Variants in NAV3 observed in about 807,000 individuals in gnomAD.
NAV3 encodes the protein neuron navigator 3, also known as pore membrane and/or filament interacting like protein 1.
Under a neutral mutation model 244.7 loss-of-function variants are expected in NAV3, and 87 were observed. The observed-to-expected ratio is 0.36, with a 90% CI of 0.30 to 0.42. The LOEUF (loss-of-function observed/expected upper bound fraction) is 0.42, where lower values mean the gene tolerates loss of function less well. Ranked by LOEUF, NAV3 falls within the 20% of genes least tolerant of loss-of-function variation. The pLI is 1.00. For synonymous variants in NAV3, 1,126 were observed against 1,042.2 expected, an observed-to-expected ratio of 1.08 and a Z score of -1.55; for missense variants, 2,663 against 2,893.3, an observed-to-expected ratio of 0.92 and a Z score of 1.83.
intron 9 of NAV3, among the ~76,000 whole-genome samples, chr12:78,042,816 A>G (rs1464626089): frequency 6.6e-6 from 1 of 152,182 alleles, no homozygotes; most frequent in African/African-American, 2.4e-5. Context: ...AAAAAATAAA[A>G]GGCCTCTAGT....
At chr12:77,794,951 C>G (rs959638317) in intron 2 of NAV3, among the ~76,000 whole-genome samples, 1 of 152,098 alleles carries the variant, frequency 6.6e-6, no homozygotes, top group Non-Finnish European at 1.5e-5. Flanking sequence ...GAGACACAAC[C>G]GTATTGAAAT....
chr12:78,076,662 A>C (rs993913642), intron 12 of NAV3, among the ~76,000 whole-genome samples: 1 of 152,184 alleles, frequency 6.6e-6, no homozygotes, highest in Non-Finnish European at 1.5e-5. Context: ...GAATGAATGA[A>C]TGACATGCTT....
chr12:77,686,447 TAA>T (rs748735585), intron 2 of NAV3, among the ~76,000 whole-genome samples: 1 of 103,672 alleles, frequency 9.6e-6, no homozygotes, highest in Non-Finnish European at 2.1e-5. Context: ...TTTTTTTTTT[TAA>T]AAACAGAGGC....
chr12:77,843,279 G>A (rs559873702), intron 1 of NAV3, among the ~76,000 whole-genome samples: 1 of 151,934 alleles, frequency 6.6e-6, no homozygotes, highest in African/African-American at 2.4e-5. Flanking sequence ...TCTGATTCCA[G>A]CTAGACCTAT....
chr12:78,128,735 A>G lies in NAV3; in HGVS notation c.4310A>G (p.Gln1437Arg). ...ACCCCATCATCTCGGCAGGCCAACC[A>G]AGAAGAGGGCAAAGAGTGGTTGCGT... is the stretch of plus-strand genomic sequence containing the variant. Reference protein sequence around the residue: ...RYTPSSRQANQEEGKEWLRSH... With the variant: ...RYTPSSRQANREEGKEWLRSH... The change falls in exon 18 of 40, where the codon CAA becomes CGA. Residue 1437 changes from glutamine to arginine, a missense_variant. This residue lies in a region of NAV3 where 354 missense variants were observed against 413.0 expected (regional missense o/e 0.86). Transcript: ENST00000397909. The G allele has an allele frequency of 2.5e-6, 4 of 1,613,986 alleles. No individual in the cohort carries two copies. The highest frequency in any genetic ancestry group is 2.5e-6 in the Non-Finnish European group (3 of 1,179,920).
chr12:77,591,587 CATT>C (rs1306703162), intron 2 of NAV3, among the ~76,000 whole-genome samples: 3 of 152,282 alleles, frequency 2.0e-5, no homozygotes, highest in Non-Finnish European at 4.4e-5. Context: ...AACCTGGAAA[CATT>C]ATCCATAACA....
At chr12:77,895,416 C>T (rs1884478044) in intron 1 of NAV3, among the ~76,000 whole-genome samples, 1 of 151,650 alleles carries the variant, frequency 6.6e-6, no homozygotes, top group African/African-American at 2.4e-5. Context: ...GGCCAGCCAT[C>T]TCATGGTAAA....
chr12:77,659,090 A>C (rs1221859743), intron 2 of NAV3, among the ~76,000 whole-genome samples: 1 of 151,908 alleles, frequency 6.6e-6, no homozygotes, highest in Non-Finnish European at 1.5e-5. Context: ...AATGGCAACA[A>C]AAGCCAAAAT....
At chr12:77,836,743 G>T (rs1874711248) in intron 1 of NAV3, among the ~76,000 whole-genome samples, 1 of 152,096 alleles carries the variant, frequency 6.6e-6, no homozygotes, top group Non-Finnish European at 1.5e-5. Flanking sequence ...CACTATTTAA[G>T]ATTATTTCAA....
chr12:78,091,953 T>A (rs1953967407), intron 12 of NAV3, among the ~76,000 whole-genome samples: 1 of 152,014 alleles, frequency 6.6e-6, no homozygotes, highest in Non-Finnish European at 1.5e-5. Flanking sequence ...AATTAAAGAG[T>A]TGTCATAATG....
intron 1 of NAV3, among the ~76,000 whole-genome samples, chr12:77,851,916 C>T (rs1034906103): frequency 1.3e-5 from 2 of 152,054 alleles, no homozygotes; most frequent in African/African-American, 2.4e-5. Context: ...ATTTAGTCTT[C>T]GTGTGTACTA....
intron 16 of NAV3, among the ~76,000 whole-genome samples, chr12:78,123,004 A>G (rs561330604): frequency 1.2e-4 from 19 of 152,174 alleles, no homozygotes; most frequent in African/African-American, 4.3e-4. Context: ...AAAAGTAATC[A>G]TATTACAAAG....
In NAV3 at chr12:78,186,627, C is replaced by G. The variant is rs1229514096; in HGVS notation, c.5790+929C>G. Among the ~76,000 whole-genome samples the G allele has an allele frequency of 2.0e-5, 3 of 151,950 alleles. No individual in the cohort carries two copies. In the Admixed American group the frequency reaches 2.0e-4, roughly 10 times the overall value. On this transcript the variant is annotated intron_variant, in intron 31 of 39. Transcript: ENST00000397909. ...TAATTTTAACTGGGTTATAAACACA[C>G]TGAAAAATAAGATTTCCTGTTCACA...
rs747467186 is a variant in NAV3, at chr12:78,006,399, T to G, written c.881-20T>G. Reference sequence around the variant, plus strand: ...AAGATTAATCGCCTTTTCTTTATTTTTCTTCTAAACAATGTCCAGATTCCT... The same window carrying G: ...AAGATTAATCGCCTTTTCTTTATTTGTCTTCTAAACAATGTCCAGATTCCT... On this transcript the variant is annotated intron_variant, in intron 7 of 39. Transcript: ENST00000397909. 7.5e-6 allele frequency: 12 copies of G among 1,595,646 alleles called. No homozygotes were observed. The Admixed American group carries it at 1.4e-4, about 18-fold the overall frequency.
At chr12:77,816,661 C>A (rs971264172) in intron 2 of NAV3, among the ~76,000 whole-genome samples, 1 of 152,182 alleles carries the variant, frequency 6.6e-6, no homozygotes, top group Admixed American at 6.5e-5. Flanking sequence ...TTGGACATCA[C>A]TTATGGATTC....
At chr12:77,762,941 A>G (rs1200961986) in intron 2 of NAV3, among the ~76,000 whole-genome samples, 1 of 152,232 alleles carries the variant, frequency 6.6e-6, no homozygotes, top group Non-Finnish European at 1.5e-5. Context: ...GTAATCACAC[A>G]TGGATAACTT....
chr12:77,588,873 C>T (rs1126286), intron 2 of NAV3, among the ~76,000 whole-genome samples: 1 of 152,012 alleles, frequency 6.6e-6, no homozygotes, highest in Non-Finnish European at 1.5e-5. Flanking sequence ...ATGTGAAATC[C>T]CTTTTGGTCT....
chr12:78,205,178 C>A, intron 39 of NAV3, 40 bp downstream of exon 39: 1 of 1,566,492 alleles, frequency 6.4e-7, no homozygotes, highest in Non-Finnish European at 8.8e-7. Context: ...GTAATCTTGA[C>A]TACAGTGTAT....
intron 1 of NAV3, among the ~76,000 whole-genome samples, chr12:77,901,924 GA>G (rs994425812): frequency 2.0e-5 from 3 of 152,100 alleles, no homozygotes; most frequent in Non-Finnish European, 4.4e-5. Context: ...TGTTAGGGGT[GA>G]CCTTTGGATG....
Sources: allele counts gnomAD v4.1 joint callset (sites outside exome capture counted in the v4.1 genomes callset), GRCh38; gene constraint gnomAD v4.1.1; regional missense constraint gnomAD v4.1.1; transcripts MANE v1.5; gene names NCBI Gene and HGNC (gene_info 2026-07-23, HGNC 2026-07-21).